The following ADAMTSL1 variants were observed in gnomAD, a reference collection of about 807,000 sequenced individuals.
ADAMTSL1 encodes the protein ADAMTS-like protein 1.
In ADAMTSL1, 126 loss-of-function variants were observed where a neutral mutation model predicts 201.8. The ratio of observed to expected loss-of-function variants is 0.62; its 90% confidence interval spans 0.54 to 0.72. ADAMTSL1 has a LOEUF of 0.72. Ranked by LOEUF, ADAMTSL1 falls within the 30% of genes least tolerant of loss-of-function variation. The pLI is 0.00. For missense variants in ADAMTSL1, 2,679 were observed against 2,277.8 expected (o/e 1.18, Z -3.59); for synonymous variants, 1,121 against 903.4 (o/e 1.24, Z -4.32).
intron 2 of ADAMTSL1, among the ~76,000 whole-genome samples, chr9:18,456,593 A>G (rs1563971675): frequency 1.3e-5 from 2 of 152,170 alleles, no homozygotes; most frequent in Admixed American, 6.5e-5. Context: ...AACTTCTATA[A>G]AAGTCTTTCA....
chr9:18,369,650 T>TTATTGTATCAAAAAGATACAA (rs1438683029), intron 2 of ADAMTSL1, among the ~76,000 whole-genome samples: 3 of 152,140 alleles, frequency 2.0e-5, no homozygotes, highest in Non-Finnish European at 4.4e-5. Flanking sequence ...GGAAAAGAAA[T>TTATTGTATCAAAAAGATACAA]TATTGTATCA....
intron 2 of ADAMTSL1, among the ~76,000 whole-genome samples, chr9:18,311,124 T>A (rs56239359): frequency 0.069 from 10,477 of 151,726 alleles, 1,166 homozygotes; most frequent in African/African-American, 0.24. Context: ...AAACAGCGCA[T>A]CTTCTCACTC....
chr9:18,574,357 C>A (rs758024810), intron 4 of ADAMTSL1, 91 bp downstream of exon 4: 6 of 1,114,248 alleles, frequency 5.4e-6, no homozygotes, highest in Non-Finnish European at 6.8e-6. Flanking sequence ...CTGAATCACT[C>A]ATCTTTACAC....
intron 1 of ADAMTSL1, among the ~76,000 whole-genome samples, chr9:18,046,928 T>A (rs1821685193): frequency 6.6e-6 from 1 of 152,126 alleles, no homozygotes; most frequent in Non-Finnish European, 1.5e-5. Flanking sequence ...TCTTCTGCAG[T>A]ATGTCAGCAA....
chr9:18,372,282 G>C (rs1473463381), intron 2 of ADAMTSL1, among the ~76,000 whole-genome samples: 1 of 152,176 alleles, frequency 6.6e-6, no homozygotes, highest in Admixed American at 6.5e-5. Context: ...CTTCATTAGG[G>C]TTTGGAGAAG....
intron 7 of ADAMTSL1, among the ~76,000 whole-genome samples, chr9:18,651,813 G>A (rs1237870021): frequency 1.3e-5 from 2 of 151,926 alleles, no homozygotes; most frequent in African/African-American, 4.8e-5. Context: ...CACAATTTAG[G>A]ATACAAAACT....
In ADAMTSL1 at chr9:18,052,321, A is replaced by G. The variant is rs190547990; in HGVS notation, c.88-111541A>G. 7.1e-4 allele frequency among the ~76,000 whole-genome samples: 108 copies of G among 152,354 alleles called. 1 individual carries two copies. The highest frequency in any genetic ancestry group is 1.3e-3 in the Non-Finnish European group (90 of 68,028). ...CCTGAAGTGAAAGAATGAGCTACTAAGCTAGTGAAAACAGGGTACTTACTT... is the reference window on the plus strand; with the variant it reads ...CCTGAAGTGAAAGAATGAGCTACTAGGCTAGTGAAAACAGGGTACTTACTT... On this transcript the variant is annotated intron_variant, in intron 1 of 29. Transcript: ENST00000680146.
intron 2 of ADAMTSL1, among the ~76,000 whole-genome samples, chr9:18,203,689 A>G (rs1222004647): frequency 2.6e-5 from 4 of 152,180 alleles, no homozygotes; most frequent in African/African-American, 4.8e-5. Context: ...GTGAAATAAT[A>G]GAAAATCAAG....
intron 2 of ADAMTSL1, among the ~76,000 whole-genome samples, chr9:18,314,158 T>C (rs1476115907): frequency 6.6e-6 from 1 of 152,104 alleles, no homozygotes; most frequent in Non-Finnish European, 1.5e-5. Context: ...TTAAGATAAT[T>C]ATTATCAAAA....
At chr9:18,309,291 C>T (rs1834027283) in intron 2 of ADAMTSL1, among the ~76,000 whole-genome samples, 1 of 152,116 alleles carries the variant, frequency 6.6e-6, no homozygotes. Context: ...CAAGGATGCC[C>T]TCCCTCACCA....
At chr9:18,525,040 A>C (rs55686384) in intron 2 of ADAMTSL1, among the ~76,000 whole-genome samples, 1 of 151,968 alleles carries the variant, frequency 6.6e-6, no homozygotes, top group African/African-American at 2.4e-5. Flanking sequence ...TTGTACATCC[A>C]GTAGAATTCG....
In ADAMTSL1 at chr9:18,852,849, G is replaced by A. The variant is rs148239994; in HGVS notation, c.4249+22872G>A. On this transcript the variant is annotated intron_variant, in intron 23 of 28. Coordinates refer to ENST00000380548, the MANE Select transcript of ADAMTSL1 (RefSeq NM_001040272.6). ...AAACAGTTTGTAAACTGTAAAGTAC[G>A]CTATAAAACCTAGTTGTTGCCTTAT... Among the ~76,000 whole-genome samples the A allele has an allele frequency of 2.7e-3, 408 of 152,238 alleles. 1 individual carries two copies. The highest frequency in any genetic ancestry group is 9.2e-3 in the African/African-American group (384 of 41,544).
intron 2 of ADAMTSL1, among the ~76,000 whole-genome samples, chr9:18,513,351 T>A (rs985420647): frequency 6.6e-6 from 1 of 152,218 alleles, no homozygotes; most frequent in African/African-American, 2.4e-5. Flanking sequence ...TACTGTCTGC[T>A]TCTATGTACT....
At chr9:18,154,205 A>G (rs909196320) in intron 1 of ADAMTSL1, among the ~76,000 whole-genome samples, 1 of 152,038 alleles carries the variant, frequency 6.6e-6, no homozygotes, top group Admixed American at 6.6e-5. Flanking sequence ...ATATGCTACC[A>G]TGGTGTTCCA....
chr9:17,977,520 G>C (rs769399325), intron 1 of ADAMTSL1, among the ~76,000 whole-genome samples: 9 of 151,774 alleles, frequency 5.9e-5, no homozygotes, highest in Non-Finnish European at 8.8e-5. Flanking sequence ...ATTTAGTCTT[G>C]GTTGGTTCTA....
intron 2 of ADAMTSL1, among the ~76,000 whole-genome samples, chr9:18,425,270 C>T (rs1366755130): frequency 3.3e-5 from 5 of 152,022 alleles, no homozygotes; most frequent in Non-Finnish European, 7.3e-5. Flanking sequence ...AAAAAAAGAA[C>T]TGTAAAATTA....
intron 2 of ADAMTSL1, among the ~76,000 whole-genome samples, chr9:18,192,628 C>G (rs1009299162): frequency 6.6e-6 from 1 of 152,226 alleles, no homozygotes; most frequent in East Asian, 1.9e-4. Flanking sequence ...GAAGACATTT[C>G]TAAATTTCTT....
At chr9:17,999,052 C>G (rs888707841) in intron 1 of ADAMTSL1, among the ~76,000 whole-genome samples, 1 of 151,684 alleles carries the variant, frequency 6.6e-6, no homozygotes, top group Non-Finnish European at 1.5e-5. Flanking sequence ...TTTTTTGTTC[C>G]CTATATAGCC....
At chr9:18,045,000 A>C (rs1291730454) in intron 1 of ADAMTSL1, among the ~76,000 whole-genome samples, 1 of 152,116 alleles carries the variant, frequency 6.6e-6, no homozygotes, top group Non-Finnish European at 1.5e-5. Flanking sequence ...ACCAGTTGAG[A>C]ATAGAGGCCA....
Sources: gnomAD v4.1 joint callset for allele counts (sites outside exome capture counted in the v4.1 genomes callset) on GRCh38, gnomAD v4.1.1 for gene constraint, MANE v1.5 for transcripts, NCBI Gene and HGNC (gene_info 2026-07-23, HGNC 2026-07-21) for gene names.